Variants in GBF1 observed in about 807,000 individuals in gnomAD.
GBF1 encodes the protein golgi brefeldin A resistant guanine nucleotide exchange factor 1, also known as Golgi-specific brefeldin A-resistance guanine nucleotide exchange factor 1.
GBF1 carries 114 observed loss-of-function variants against 210.5 expected under a neutral mutation model. The ratio of observed to expected loss-of-function variants is 0.54; its 90% CI spans 0.47 to 0.63. The LOEUF is 0.63. Among genes scored for constraint, GBF1 ranks in the 30% least tolerant of loss-of-function variants. GBF1 has a pLI of 0.00. For missense variants in GBF1, 1,851 were observed against 2,357.7 expected (o/e 0.79, Z 4.45); for synonymous variants, 850 against 889.2 (o/e 0.96, Z 0.78).
At chr10:102,299,941 A>G (rs2077206407) in intron 3 of GBF1, among the ~76,000 whole-genome samples, 1 of 152,186 alleles carries the variant, frequency 6.6e-6, no homozygotes, top group Non-Finnish European at 1.5e-5. Flanking sequence ...ATATGGTGAC[A>G]TTCATTTAAA....
At chr10:102,275,317 C>T (rs1472041722) in intron 3 of GBF1, among the ~76,000 whole-genome samples, 1 of 152,130 alleles carries the variant, frequency 6.6e-6, no homozygotes, top group Non-Finnish European at 1.5e-5. Context: ...GAAAGTAGTA[C>T]CAAAACCCTT....
intron 3 of GBF1, among the ~76,000 whole-genome samples, chr10:102,297,321 G>A (rs141788230): frequency 2.0e-4 from 30 of 152,332 alleles, no homozygotes; most frequent in East Asian, 9.6e-4. Flanking sequence ...GACAGCCTTC[G>A]TTAGATGCTT....
intron 17 of GBF1, 74 bp from the exon 18 acceptor site, chr10:102,365,323 A>C (rs755146958): frequency 6.4e-6 from 7 of 1,101,366 alleles, no homozygotes; most frequent in Non-Finnish European, 9.6e-6. Context: ...TGGGTGGGCT[A>C]TGGTGGACTC....
chr10:102,244,416 C>A (rs192013036), upstream of GBF1, among the ~76,000 whole-genome samples: 244 of 152,306 alleles, frequency 1.6e-3, 1 homozygote, highest in African/African-American at 5.7e-3. Flanking sequence ...GGAGAAAACC[C>A]ATCCTCTTGT....
Position 102,379,724 on chromosome 10 carries a change from C to G in GBF1, c.4776+73C>G, listed in dbSNP as rs2060723697. On this transcript the variant is annotated intron_variant, in intron 35 of 39. Coordinates refer to ENST00000369983, the MANE Select transcript of GBF1 (RefSeq NM_001377137.1). ...GGAAAGCCAGGCAGCCTGAAGAGCC[C>G]CTAATGTGAGTCTTCAGCCTGCATC... is the stretch of plus-strand genomic sequence containing the variant. 2.6e-6 allele frequency: 4 copies of G among 1,547,512 alleles called. No individual in the cohort carries two copies. The East Asian group carries it at 9.0e-5, about 35-fold the overall frequency.
chr10:102,311,553 C>A (rs983154506), intron 3 of GBF1, among the ~76,000 whole-genome samples: 1 of 152,174 alleles, frequency 6.6e-6, no homozygotes, highest in Admixed American at 6.5e-5. Flanking sequence ...GAAGCAAGGC[C>A]AGGGTGTCTG....
At chr10:102,231,925 C>T in the GBF1 span, 10 of 1,566,712 alleles carry the variant, frequency 6.4e-6, no homozygotes, top group East Asian at 1.8e-4. Flanking sequence ...GGGGATGAAG[C>T]TGTTATGTCC....
Position 102,245,571 on chromosome 10 carries a change from T to G in GBF1, c.-221T>G, listed in dbSNP as rs764652834. On this transcript the variant is annotated 5_prime_UTR_variant, in exon 1 of 40. Coordinates refer to ENST00000369983, the MANE Select transcript of GBF1 (RefSeq NM_001377137.1). ...TGAGCTGACAGGGAAGGTACCCGGC[T>G]CTACTGCCCGTCCCGGACGACTCAT... The G allele has an allele frequency of 6.6e-6, 1 of 152,210 alleles. No individual in the cohort carries two copies. Among genetic ancestry groups the G allele is most frequent in the Non-Finnish European group, 1.5e-5 (1 of 68,054 alleles). The allele number at this position is 152,210 out of a possible 1,614,324, so 9.4% of individuals were successfully genotyped here.
chr10:102,250,224 C>T (rs2071343807), intron 1 of GBF1, among the ~76,000 whole-genome samples: 1 of 152,220 alleles, frequency 6.6e-6, no homozygotes, highest in Non-Finnish European at 1.5e-5. Flanking sequence ...GACAGAGTCT[C>T]TCTCTGCCAC....
chr10:102,381,997 TGA>T, intron 39 of GBF1, 57 bp from the exon 40 acceptor site: 2 of 1,387,018 alleles, frequency 1.4e-6, no homozygotes, highest in Non-Finnish European at 2.0e-6. Context: ...CTGGGCAATG[TGA>T]GAGTTGTCTT....
chr10:102,260,174 A>T, intron 3 of GBF1, 58 bp downstream of exon 3: 1 of 951,476 alleles, frequency 1.1e-6, no homozygotes, highest in South Asian at 1.4e-5. Flanking sequence ...TGTTTGATTT[A>T]TTGAAAGGAT....
At chr10:102,250,423 C>T (rs1243378882) in intron 1 of GBF1, among the ~76,000 whole-genome samples, 2 of 152,090 alleles carry the variant, frequency 1.3e-5, no homozygotes, top group Non-Finnish European at 1.5e-5. Flanking sequence ...GTGGTGTCAT[C>T]ATAGCCCATT....
chr10:102,254,210 G>C (rs1303816318), intron 1 of GBF1, among the ~76,000 whole-genome samples: 3 of 151,532 alleles, frequency 2.0e-5, no homozygotes, highest in Admixed American at 2.0e-4. Context: ...TCTTGTTTAG[G>C]TACTTCTCCC....
At chr10:102,360,974 C>CAAAAAA in intron 12 of GBF1, 48 bp from the exon 13 acceptor site, 45 of 694,906 alleles carry the variant, frequency 6.5e-5, no homozygotes, top group South Asian at 1.3e-4. Context: ...AACTCCGCCT[C>CAAAAAA]AAAAAAAAAA....
At chr10:102,335,392 C>T (rs1165494962) in intron 3 of GBF1, among the ~76,000 whole-genome samples, 1 of 152,142 alleles carries the variant, frequency 6.6e-6, no homozygotes, top group East Asian at 1.9e-4. Context: ...TGTCAGATGT[C>T]TCCTTGGTTG....
chr10:102,253,717 A>G (rs1337145396), intron 1 of GBF1, among the ~76,000 whole-genome samples: 1 of 151,892 alleles, frequency 6.6e-6, no homozygotes, highest in Non-Finnish European at 1.5e-5. Context: ...TTTTGCTATG[A>G]TGCCCAGGCT....
chr10:102,335,029 T>C (rs1446319056), intron 3 of GBF1, among the ~76,000 whole-genome samples: 1 of 152,090 alleles, frequency 6.6e-6, no homozygotes, highest in Non-Finnish European at 1.5e-5. Context: ...TTGAGTACAG[T>C]ATGAGCAGAC....
rs1201637348 is a variant in GBF1, at chr10:102,375,424, G to C, written c.3726G>C (p.Gln1242His). Reference protein sequence around the residue: ...KPSVLSRVSHQVAYGLHELLK... With the variant: ...KPSVLSRVSHHVAYGLHELLK... ...GTGTGCTATCCCGAGTCAGCCACCAGGTTGCGTATGGGCTCCATGAACTCC... is the reference window on the plus strand; with the variant it reads ...GTGTGCTATCCCGAGTCAGCCACCACGTTGCGTATGGGCTCCATGAACTCC... The change falls in exon 30 of 40, where the codon CAG (glutamine) becomes CAC (histidine). Residue 1242 changes from glutamine to histidine, a missense_variant. Gln to His is a conservative substitution (Grantham distance 24, BLOSUM62 0). Around this residue, in one of 3 missense-constraint regions of GBF1, gnomAD observed 967 missense variants for 1,247.7 expected, o/e 0.78. Coordinates refer to ENST00000369983, the MANE Select transcript of GBF1 (RefSeq NM_001377137.1). The C allele has an allele frequency of 1.2e-6, 2 of 1,613,998 alleles. No individual in the cohort carries two copies. The highest frequency in any genetic ancestry group is 2.2e-5 in the South Asian group (2 of 91,084).
At chr10:102,282,407 T>G (rs1198281951) in intron 3 of GBF1, among the ~76,000 whole-genome samples, 1 of 152,092 alleles carries the variant, frequency 6.6e-6, no homozygotes, top group African/African-American at 2.4e-5. Context: ...GGCGATGAGG[T>G]TATTTATTTG....
Sources: allele counts gnomAD v4.1 joint callset (sites outside exome capture counted in the v4.1 genomes callset), GRCh38; gene constraint gnomAD v4.1.1; regional missense constraint gnomAD v4.1.1; transcripts MANE v1.5; gene names NCBI Gene and HGNC (gene_info 2026-07-23, HGNC 2026-07-21).